The following DACH2 variants were observed in gnomAD, a reference collection of about 807,000 sequenced individuals.
The protein encoded by DACH2 is dachshund homolog 2.
In DACH2, 17 loss-of-function variants were observed where a neutral mutation model predicts 35.8. The ratio of observed to expected loss-of-function variants is 0.48; its 90% CI spans 0.33 to 0.71. The LOEUF (loss-of-function observed/expected upper bound fraction) is 0.71, where lower values mean the gene tolerates loss of function less well. Ranked by LOEUF, DACH2 falls within the 30% of genes least tolerant of loss-of-function variation. The pLI is 0.02. For missense variants in DACH2, 469 were observed against 472.7 expected (o/e 0.99, Z 0.07); for synonymous variants, 195 against 177.3 (o/e 1.10, Z -0.79).
Position 86,809,167 on chromosome X carries a change from T to C in DACH2, c.1241-3689T>C, listed in dbSNP as rs192945866. Among the ~76,000 whole-genome samples, 84 of 111,960 alleles carry C rather than the reference T, an allele frequency of 7.5e-4. No individual in the cohort carries two copies. The East Asian group carries it at 0.02, about 26-fold the overall frequency. On this transcript the variant is annotated intron_variant, in intron 7 of 11. Coordinates refer to ENST00000373125, the MANE Select transcript of DACH2 (RefSeq NM_053281.3). ...TGACTAGATGGCAGTTCTCCTATTCTTACTTTGTAGTTTATACTATTATGT... is the reference window on the plus strand; with the variant it reads ...TGACTAGATGGCAGTTCTCCTATTCCTACTTTGTAGTTTATACTATTATGT...
At chrX:86,687,540 G>A (rs1462813089) in intron 4 of DACH2, among the ~76,000 whole-genome samples, 1 of 111,656 alleles carries the variant, frequency 9.0e-6, no homozygotes, top group Admixed American at 9.6e-5. Context: ...TCCCATTAGT[G>A]GGCATATACC....
At chrX:86,660,055 T>C (rs1432893246) in intron 4 of DACH2, among the ~76,000 whole-genome samples, 1 of 111,358 alleles carries the variant, frequency 9.0e-6, no homozygotes, top group Non-Finnish European at 1.9e-5. Flanking sequence ...AGAAATGTTT[T>C]TCCTGCTTTT....
chrX:86,327,113 T>G (rs1470936055), intron 1 of DACH2, among the ~76,000 whole-genome samples: 1 of 112,219 alleles, frequency 8.9e-6, no homozygotes, highest in African/African-American at 3.2e-5. Context: ...ACAATTACTT[T>G]TTTAAAAATA....
intron 3 of DACH2, among the ~76,000 whole-genome samples, chrX:86,604,022 C>T (rs1445950754): frequency 9.0e-6 from 1 of 110,796 alleles, no homozygotes; most frequent in Non-Finnish European, 1.9e-5. Context: ...GATTTCATTT[C>T]TTTTAAAACT....
chrX:86,574,547 C>T lies in DACH2; in HGVS notation c.640+60156C>T, dbSNP rs188493786. 5.4e-5 allele frequency among the ~76,000 whole-genome samples: 6 copies of T among 111,611 alleles called. No individual in the cohort carries two copies. In the East Asian group the frequency reaches 1.7e-3, roughly 31 times the overall value. On this transcript the variant is annotated intron_variant, in intron 3 of 11. Coordinates refer to ENST00000373125, the MANE Select transcript of DACH2 (RefSeq NM_053281.3). ...TTTTGAGATTTTCAGTATGTGGCTT[C>T]TCTTCTTTTTCACACTCAATATGTA...
intron 1 of DACH2, among the ~76,000 whole-genome samples, chrX:86,309,007 G>C (rs2034745713): frequency 9.0e-6 from 1 of 111,587 alleles, no homozygotes; most frequent in Admixed American, 9.5e-5. Flanking sequence ...TTGGCTCCCT[G>C]ACTGGTAGGG....
intron 11 of DACH2, chrX:86,829,683 T>A (rs1400981032): frequency 8.9e-6 from 1 of 112,580 alleles, no homozygotes; most frequent in Non-Finnish European, 1.9e-5. Context: ...ACACTGACCT[T>A]CTGTGTCATG....
chrX:86,402,375 A>G lies in DACH2; in HGVS notation c.527+25513A>G, dbSNP rs145668931. On this transcript the variant is annotated intron_variant, in intron 2 of 11. Coordinates refer to ENST00000373125, the MANE Select transcript of DACH2 (RefSeq NM_053281.3). ...GTTTACTAAAATCAATAGGATTTCTATACATCAATAACTTCCAGGCTGAGA... is the reference window on the plus strand; with the variant it reads ...GTTTACTAAAATCAATAGGATTTCTGTACATCAATAACTTCCAGGCTGAGA... Among the ~76,000 whole-genome samples, 385 of 112,102 alleles carry G rather than the reference A, an allele frequency of 3.4e-3. 2 individuals are homozygous for G. The highest frequency in any genetic ancestry group is 5.4e-3 in the Non-Finnish European group (285 of 53,164).
chrX:86,603,316 A>C (rs1400179063), intron 3 of DACH2, among the ~76,000 whole-genome samples: 2 of 111,261 alleles, frequency 1.8e-5, no homozygotes, highest in Admixed American at 9.6e-5. Context: ...ATTTTGAGGT[A>C]CTGAGGGTTA....
intron 1 of DACH2, among the ~76,000 whole-genome samples, chrX:86,301,654 A>G (rs1191927206): frequency 8.9e-6 from 1 of 112,013 alleles, no homozygotes; most frequent in African/African-American, 3.2e-5. Flanking sequence ...TTATTATCAC[A>G]TTATGACATT....
chrX:86,314,076 G>A (rs1333326125), intron 1 of DACH2, among the ~76,000 whole-genome samples: 3 of 110,136 alleles, frequency 2.7e-5, no homozygotes, highest in African/African-American at 9.9e-5. Context: ...TCTACTGCTT[G>A]GCTATTTCTT....
intron 1 of DACH2, among the ~76,000 whole-genome samples, chrX:86,366,247 T>C (rs2035805306): frequency 9.0e-6 from 1 of 110,685 alleles, no homozygotes; most frequent in South Asian, 3.9e-4. Flanking sequence ...TAGTTGAACA[T>C]ATTAATAGAT....
intron 7 of DACH2, among the ~76,000 whole-genome samples, chrX:86,746,460 G>A (rs1214053509): frequency 9.0e-6 from 1 of 111,664 alleles, no homozygotes; most frequent in Non-Finnish European, 1.9e-5. Context: ...TGTTTGCGAT[G>A]TATTATCTCA....
In DACH2 at chrX:86,556,826, AGAG is replaced by A. The variant is rs1569439492; in HGVS notation, c.640+42436_640+42438del. ...GAGAGAGAGAGAGAGAGAGAGAGAGAGAGAAGAAGAAATGTACTACGGGAATTT... is the reference window on the plus strand; with the variant it reads ...GAGAGAGAGAGAGAGAGAGAGAGAGAAAGAAGAAATGTACTACGGGAATTT... On this transcript the variant is annotated intron_variant, in intron 3 of 11. Transcript: ENST00000373125. Among the ~76,000 whole-genome samples, 82 of 86,252 alleles carry A rather than the reference AGAG, an allele frequency of 9.5e-4. 2 individuals are homozygous for A. The highest frequency in any genetic ancestry group is 2.0e-3 in the South Asian group (3 of 1,503). 74.9% of individuals were successfully genotyped at this position (86,252 alleles called of 115,157 possible).
intron 2 of DACH2, among the ~76,000 whole-genome samples, chrX:86,420,470 G>A (rs1156429716): frequency 3.6e-5 from 4 of 111,265 alleles, no homozygotes; most frequent in Non-Finnish European, 7.6e-5. Flanking sequence ...AATATTCCAT[G>A]GAGTTTATGC....
At chrX:86,246,704 A>G (rs145808797) in intron 1 of DACH2, among the ~76,000 whole-genome samples, 256 of 112,293 alleles carry the variant, frequency 2.3e-3, no homozygotes, top group African/African-American at 8.0e-3. Flanking sequence ...ACCAGCCACC[A>G]CGAAAACACA....
intron 5 of DACH2, among the ~76,000 whole-genome samples, chrX:86,706,493 T>C (rs1286368414): frequency 9.2e-6 from 1 of 108,776 alleles, no homozygotes; most frequent in Non-Finnish European, 1.9e-5. Flanking sequence ...ACATTAAGAG[T>C]TTTAATAGTT....
At chrX:86,622,924 C>A (rs1415935585) in intron 3 of DACH2, among the ~76,000 whole-genome samples, 7 of 111,656 alleles carry the variant, frequency 6.3e-5, no homozygotes. Context: ...TGTTTGATGG[C>A]AGTGAAGGTA....
chrX:86,420,619 T>C (rs1375809974), intron 2 of DACH2, among the ~76,000 whole-genome samples: 1 of 111,694 alleles, frequency 9.0e-6, no homozygotes, highest in Non-Finnish European at 1.9e-5. Context: ...TATAATTACA[T>C]TACAGAAAAT....
Sources: allele counts gnomAD v4.1 joint callset (sites outside exome capture counted in the v4.1 genomes callset), GRCh38; gene constraint gnomAD v4.1.1; transcripts MANE v1.5; gene names NCBI Gene and HGNC (gene_info 2026-07-23, HGNC 2026-07-21).